The following RBFOX1 variants were observed in gnomAD, a reference collection of about 807,000 sequenced individuals.
RBFOX1 encodes the protein RNA binding fox-1 homolog 1, also known as RNA binding protein fox-1 homolog 1.
RBFOX1 carries 8 observed loss-of-function variants against 57.7 expected under a neutral mutation model. That is an observed-to-expected ratio of 0.14 (90% CI 0.08 to 0.25). The LOEUF is 0.25. Ranked by LOEUF, RBFOX1 falls within the 10% of genes least tolerant of loss-of-function variation. The probability of loss-of-function intolerance (pLI) is 1.00; values close to 1 mark genes in which losing one functional copy is unlikely to be tolerated. For missense variants in RBFOX1, 611 were observed against 548.5 expected (o/e 1.11, Z -1.14); for synonymous variants, 326 against 222.4 (o/e 1.47, Z -4.15).
At chr16:7,117,149 A>AG (rs1483680938) in intron 4 of RBFOX1, among the ~76,000 whole-genome samples, 1 of 152,086 alleles carries the variant, frequency 6.6e-6, no homozygotes, top group Non-Finnish European at 1.5e-5. Flanking sequence ...TAGTAAAGTG[A>AG]GGGCTGGAAT....
At chr16:7,645,476 T>A (rs928378422) in intron 11 of RBFOX1, among the ~76,000 whole-genome samples, 9 of 152,164 alleles carry the variant, frequency 5.9e-5, no homozygotes, top group African/African-American at 2.2e-4. Flanking sequence ...ATAATATTTT[T>A]ATCGACACTT....
At chr16:7,217,898 G>T in intron 4 of RBFOX1, among the ~76,000 whole-genome samples, 1 of 127,938 alleles carries the variant, frequency 7.8e-6, no homozygotes, top group South Asian at 2.6e-4. Context: ...GCATGCGTAT[G>T]TGTGTGCATG....
chr16:5,630,491 G>A (rs947876095), intron 3 of RBFOX1, among the ~76,000 whole-genome samples: 1 of 151,986 alleles, frequency 6.6e-6, no homozygotes, highest in African/African-American at 2.4e-5. Flanking sequence ...GAAAACTTTG[G>A]GACCTTAGAC....
At chr16:7,330,369 G>A (rs1417514424) in intron 4 of RBFOX1, among the ~76,000 whole-genome samples, 1 of 135,340 alleles carries the variant, frequency 7.4e-6, no homozygotes, top group Non-Finnish European at 1.5e-5. Flanking sequence ...GTCTGTATAT[G>A]TTCAGTGCAG....
intron 2 of RBFOX1, among the ~76,000 whole-genome samples, chr16:6,627,713 G>T (rs746079480): frequency 6.6e-6 from 1 of 152,172 alleles, no homozygotes; most frequent in Non-Finnish European, 1.5e-5. Flanking sequence ...CAAAAGTGAG[G>T]TGTCAGTCAT....
chr16:7,048,297 T>G (rs1159709312), intron 3 of RBFOX1, among the ~76,000 whole-genome samples: 1 of 152,144 alleles, frequency 6.6e-6, no homozygotes, highest in Non-Finnish European at 1.5e-5. Context: ...TCTTGCTCTG[T>G]CTCCCAGGCT....
intron 2 of RBFOX1, among the ~76,000 whole-genome samples, chr16:6,621,051 G>A (rs1436354404): frequency 1.3e-5 from 2 of 152,188 alleles, no homozygotes; most frequent in South Asian, 2.1e-4. Context: ...AGCTCCAGGG[G>A]ACTGCCAGCA....
intron 4 of RBFOX1, among the ~76,000 whole-genome samples, chr16:5,908,225 C>CGCACATATATATACATATAT (rs1567133911): frequency 2.1e-5 from 2 of 97,110 alleles, no homozygotes; most frequent in Non-Finnish European, 4.5e-5. Context: ...TACATATATA[C>CGCACATATATATACATATAT]ACACATATAT....
Position 7,612,093 on chromosome 16 carries a change from A to G in RBFOX1, c.676+4755A>G, listed in dbSNP as rs573432610. On this transcript the variant is annotated intron_variant, in intron 10 of 15. Transcript: ENST00000550418. ...TCCCAGCACTTTGGGAGGCCGAGGC[A>G]GGTGGATCACGAGGTCAGGGGATTG... 4.6e-5 allele frequency among the ~76,000 whole-genome samples: 7 copies of G among 152,138 alleles called. No individual in the cohort carries two copies. The East Asian group carries it at 1.4e-3, about 30-fold the overall frequency.
At chr16:5,565,253 ACTG>A (rs1235122016) in intron 2 of RBFOX1, among the ~76,000 whole-genome samples, 1 of 151,378 alleles carries the variant, frequency 6.6e-6, no homozygotes, top group Non-Finnish European at 1.5e-5. Context: ...CAGAAGGAAA[ACTG>A]GTGTGTGTGT....
intron 2 of RBFOX1, among the ~76,000 whole-genome samples, chr16:5,592,831 A>T (rs1055912392): frequency 6.6e-6 from 1 of 152,170 alleles, no homozygotes; most frequent in Non-Finnish European, 1.5e-5. Flanking sequence ...CCAAGGAGAT[A>T]TGTCAGAGCC....
At chr16:5,727,938 T>C (rs1452334132) in intron 3 of RBFOX1, among the ~76,000 whole-genome samples, 1 of 152,220 alleles carries the variant, frequency 6.6e-6, no homozygotes, top group Non-Finnish European at 1.5e-5. Flanking sequence ...CCTTCCACCT[T>C]GGCCTCCCAA....
chr16:5,687,642 T>C (rs1596758124), intron 3 of RBFOX1, among the ~76,000 whole-genome samples: 1 of 152,178 alleles, frequency 6.6e-6, no homozygotes, highest in Non-Finnish European at 1.5e-5. Flanking sequence ...ATGAAACCAG[T>C]ATGCTCCTAG....
intron 4 of RBFOX1, among the ~76,000 whole-genome samples, chr16:7,257,360 A>G (rs1434462410): frequency 1.3e-5 from 2 of 152,006 alleles, no homozygotes; most frequent in South Asian, 2.1e-4. Context: ...ATTACATGCA[A>G]CCTCATGAGA....
intron 2 of RBFOX1, among the ~76,000 whole-genome samples, chr16:6,645,620 G>C (rs2098527818): frequency 6.6e-6 from 1 of 152,138 alleles, no homozygotes; most frequent in South Asian, 2.1e-4. Context: ...TGAGTGCTTT[G>C]ATGTCTAAAA....
chr16:7,398,187 C>T (rs1176269606), intron 4 of RBFOX1, among the ~76,000 whole-genome samples: 1 of 152,184 alleles, frequency 6.6e-6, no homozygotes, highest in African/African-American at 2.4e-5. Flanking sequence ...TAGGAGATGC[C>T]TCAGACGCTT....
chr16:6,744,518 C>G (rs970656174), intron 3 of RBFOX1, among the ~76,000 whole-genome samples: 1 of 151,738 alleles, frequency 6.6e-6, no homozygotes, highest in African/African-American at 2.4e-5. Context: ...TGGAATCAAA[C>G]TAGAAATAAA....
chr16:5,427,258 G>A (rs1039013762), intron 1 of RBFOX1, among the ~76,000 whole-genome samples: 3 of 152,164 alleles, frequency 2.0e-5, no homozygotes, highest in Non-Finnish European at 4.4e-5. Flanking sequence ...TTAAGGAATT[G>A]GCTCATGCAG....
At chr16:7,216,590 A>C (rs1332485710) in intron 4 of RBFOX1, among the ~76,000 whole-genome samples, 3 of 152,152 alleles carry the variant, frequency 2.0e-5, no homozygotes, top group Admixed American at 2.0e-4. Flanking sequence ...CCTGGGAGGT[A>C]GAGGTTGCAG....
Sources: allele counts gnomAD v4.1 joint callset (sites outside exome capture counted in the v4.1 genomes callset), GRCh38; gene constraint gnomAD v4.1.1; transcripts MANE v1.5; gene names NCBI Gene and HGNC (gene_info 2026-07-23, HGNC 2026-07-21).